AFG2A: variants seen among roughly 807,000 people sequenced by gnomAD.
AFG2A encodes the protein ATPase family gene 2 protein homolog A.
At chr4:122,966,353 C>T in the AFG2A span, among the ~76,000 whole-genome samples, 1 of 152,158 alleles carries the variant, frequency 6.6e-6, no homozygotes, top group Non-Finnish European at 1.5e-5. Flanking sequence ...CACATACCTA[C>T]AAACGAAGTA....
the AFG2A span, among the ~76,000 whole-genome samples, chr4:123,224,660 G>A: frequency 2.2e-4 from 34 of 152,154 alleles, no homozygotes; most frequent in Admixed American, 1.8e-3. Context: ...GAATAGTGCC[G>A]CAATAAACAT....
the AFG2A span, among the ~76,000 whole-genome samples, chr4:122,967,810 CT>C: frequency 6.6e-6 from 1 of 151,820 alleles, no homozygotes. Flanking sequence ...GCCCCAAAAC[CT>C]TTTTTATGGA....
the AFG2A span, among the ~76,000 whole-genome samples, chr4:123,056,690 TAGCC>T: frequency 6.6e-6 from 1 of 152,240 alleles, no homozygotes; most frequent in Non-Finnish European, 1.5e-5. Context: ...CTGATAATAA[TAGCC>T]AGCATTTCTG....
the AFG2A span, among the ~76,000 whole-genome samples, chr4:123,235,691 T>C: frequency 8.5e-5 from 13 of 152,338 alleles, no homozygotes; most frequent in African/African-American, 3.1e-4. Context: ...TCAGTACTCA[T>C]ATTTGGACTT....
At chr4:123,071,252 G>A in the AFG2A span, among the ~76,000 whole-genome samples, 1 of 152,226 alleles carries the variant, frequency 6.6e-6, no homozygotes, top group African/African-American at 2.4e-5. Context: ...AGGCCAAGGC[G>A]GGTGGATCAC....
the AFG2A span, among the ~76,000 whole-genome samples, chr4:123,229,492 C>T: frequency 6.6e-6 from 1 of 151,934 alleles, no homozygotes; most frequent in Non-Finnish European, 1.5e-5. Flanking sequence ...TTCATCATTC[C>T]AGCAACCTCT....
chr4:123,282,518 C>T, the AFG2A span, among the ~76,000 whole-genome samples: 1 of 152,124 alleles, frequency 6.6e-6, no homozygotes, highest in Non-Finnish European at 1.5e-5. Context: ...GTGATTGGTC[C>T]ATAAAAATCC....
At chr4:123,065,444 G>C in the AFG2A span, among the ~76,000 whole-genome samples, 11 of 152,160 alleles carry the variant, frequency 7.2e-5, 1 homozygote, top group South Asian at 1.7e-3. Context: ...CATTTATAGC[G>C]CTTAACATAA....
chr4:122,934,556 C>T, the AFG2A span: 2 of 1,613,860 alleles, frequency 1.2e-6, no homozygotes, highest in South Asian at 1.1e-5. Flanking sequence ...AATACTGATA[C>T]TTTTTATTTT....
chr4:122,991,763 C>G, the AFG2A span, among the ~76,000 whole-genome samples: 288 of 152,206 alleles, frequency 1.9e-3, no homozygotes, highest in Non-Finnish European at 3.0e-3. Flanking sequence ...TGAATTTTAA[C>G]TTAATTTCCA....
At chr4:123,141,368 C>A in the AFG2A span, among the ~76,000 whole-genome samples, 2 of 152,128 alleles carry the variant, frequency 1.3e-5, no homozygotes, top group African/African-American at 4.8e-5. Flanking sequence ...GAGACTGAGG[C>A]AGAAGAATCG....
the AFG2A span, among the ~76,000 whole-genome samples, chr4:122,994,776 C>T: frequency 6.6e-6 from 1 of 151,336 alleles, no homozygotes; most frequent in Admixed American, 6.6e-5. Context: ...TTAGTAAACT[C>T]CGATCCAGGT....
chr4:122,952,020 TG>T, the AFG2A span, among the ~76,000 whole-genome samples: 3 of 152,216 alleles, frequency 2.0e-5, no homozygotes, highest in Non-Finnish European at 4.4e-5. Flanking sequence ...AGTCTGTGTC[TG>T]GGCATTCCCA....
the AFG2A span, among the ~76,000 whole-genome samples, chr4:123,048,209 A>G: frequency 1.4e-4 from 21 of 152,140 alleles, no homozygotes; most frequent in Admixed American, 4.6e-4. Context: ...CTTTTGTTTC[A>G]TTGGTCTGTG....
the AFG2A span, among the ~76,000 whole-genome samples, chr4:123,161,174 C>G: frequency 6.6e-6 from 1 of 152,108 alleles, no homozygotes; most frequent in Non-Finnish European, 1.5e-5. Context: ...TCAGTGGTCA[C>G]TGAATTTTTT....
the AFG2A span, among the ~76,000 whole-genome samples, chr4:123,309,478 C>G: frequency 7.9e-5 from 12 of 152,210 alleles, no homozygotes; most frequent in African/African-American, 2.7e-4. Context: ...GACCTCACTT[C>G]TTAATACTAG....
chr4:122,957,191 T>A, the AFG2A span, among the ~76,000 whole-genome samples: 2 of 152,222 alleles, frequency 1.3e-5, no homozygotes, highest in Admixed American at 6.5e-5. Flanking sequence ...CCTAAGCCTC[T>A]TCAGGCCTCA....
the AFG2A span, chr4:123,028,107 A>G: frequency 8.5e-7 from 1 of 1,181,848 alleles, no homozygotes; most frequent in Non-Finnish European, 1.2e-6. Context: ...TTCTTCTGTT[A>G]ATGATATGTT....
At chr4:123,164,143 T>C in the AFG2A span, among the ~76,000 whole-genome samples, 1 of 152,208 alleles carries the variant, frequency 6.6e-6, no homozygotes, top group Non-Finnish European at 1.5e-5. Flanking sequence ...AGAGCTATAC[T>C]TCAAGTCACC....
Sources: gnomAD v4.1 joint callset for allele counts (sites outside exome capture counted in the v4.1 genomes callset) on GRCh38, gnomAD v4.1.1 for gene constraint, MANE v1.5 for transcripts, NCBI Gene and HGNC (gene_info 2026-07-23, HGNC 2026-07-21) for gene names.